ACACB: variants seen among roughly 807,000 people sequenced by gnomAD.
ACACB encodes the protein acetyl-CoA carboxylase 2.
A neutral mutation model predicts 278.8 loss-of-function variants in ACACB; 209 were observed. The ratio of observed to expected loss-of-function variants is 0.75; its 90% CI spans 0.67 to 0.84. The LOEUF (loss-of-function observed/expected upper bound fraction) is 0.84. ACACB is among the 40% of genes least tolerant of loss of function. The pLI is 0.00. For synonymous variants in ACACB, 1,174 were observed against 1,285.6 expected (o/e 0.91, Z 1.86); for missense variants, 2,850 against 3,269.0 (o/e 0.87, Z 3.13).
chr12:109,184,414 C>G (rs576847846), intron 11 of ACACB, among the ~76,000 whole-genome samples: 1 of 152,154 alleles, frequency 6.6e-6, no homozygotes, highest in African/African-American at 2.4e-5. Flanking sequence ...CCTCTGAATA[C>G]TTCATTCTAA....
chr12:109,257,462 C>A (rs544690706), intron 45 of ACACB, among the ~76,000 whole-genome samples: 1 of 152,266 alleles, frequency 6.6e-6, no homozygotes, highest in African/African-American at 2.4e-5. Flanking sequence ...CATGGCATCC[C>A]CTGAGCTGAG....
intron 21 of ACACB, among the ~76,000 whole-genome samples, chr12:109,212,566 G>C (rs1426949586): frequency 2.0e-5 from 3 of 152,112 alleles, no homozygotes; most frequent in Admixed American, 2.0e-4. Flanking sequence ...ACGGTTCACA[G>C]CAGGGTTTGC....
At chr12:109,169,142 CAAAAAAA>C (rs34104231) in intron 4 of ACACB, among the ~76,000 whole-genome samples, 1 of 105,836 alleles carries the variant, frequency 9.4e-6, no homozygotes, top group African/African-American at 3.5e-5. Flanking sequence ...GAGACTGTCT[CAAAAAAA>C]AAAAAAAAAA....
intron 28 of ACACB, among the ~76,000 whole-genome samples, chr12:109,229,878 TC>T (rs1167329711): frequency 2.6e-5 from 4 of 152,336 alleles, no homozygotes; most frequent in African/African-American, 9.6e-5. Context: ...AGTCTTTTTT[TC>T]AGTCCATCTT....
In ACACB at chr12:109,139,391, T is replaced by C. The variant is rs769916566; in HGVS notation, c.-9-6T>C. On this transcript the variant is annotated splice_polypyrimidine_tract_variant and splice_region_variant and intron_variant, in intron 1 of 52. Transcript: ENST00000338432. The stretch of plus-strand genomic sequence containing the variant: ...TCCTAAAATGTCTCTCCTTTTCTCC[T>C]TACAGATTTTCTGAATGGTCTTGCT... 1 of 1,603,344 alleles carries C rather than the reference T, an allele frequency of 6.2e-7. No homozygotes were observed. The highest frequency in any genetic ancestry group is 1.7e-5 in the Admixed American group (1 of 58,180).
At position 109,254,345 on chromosome 12, in the gene ACACB, A is replaced by C. The variant is rs1462305373; in HGVS notation, c.6166+11A>C. ...GAAGGCCTCACCCAAGTAAGTTCTA[A>C]AGTATTTTGCCTAGGACCTGGTCTC... On this transcript the variant is annotated intron_variant, in intron 44 of 52. Transcript: ENST00000338432. 6.2e-7 allele frequency: 1 copy of C among 1,602,110 alleles called. No individual in the cohort carries two copies. Among genetic ancestry groups the C allele is most frequent in the Non-Finnish European group, 8.5e-7 (1 of 1,178,378 alleles).
chr12:109,180,011 T>C lies in ACACB; in HGVS notation c.1742T>C (p.Leu581Pro). Residue 581 changes from leucine to proline, a missense_variant, in exon 11 of 53, where the codon CTG becomes CCG. Leu to Pro is a moderately conservative substitution (Grantham distance 98, BLOSUM62 -3). This residue lies in a region of ACACB where 2,265 missense variants were observed against 2,561.3 expected (regional missense o/e 0.88). Coordinates refer to ENST00000338432, the MANE Select transcript of ACACB (RefSeq NM_001093.4). ...GATGGCAGCTTCCACTTCTTGGAGC[T>C]GAATCCTCGCTTGCAGGTGGAACAT... ...SQDGSFHFLELNPRLQVEHPC... is the reference protein window; with the variant it reads ...SQDGSFHFLEPNPRLQVEHPC... 1.9e-6 allele frequency: 3 copies of C among 1,613,820 alleles called. No homozygotes were observed. The highest frequency in any genetic ancestry group is 2.5e-6 in the Non-Finnish European group (3 of 1,180,036).
chr12:109,112,968 G>T (rs2042338321), upstream of ACACB: 1 of 152,142 alleles, frequency 6.6e-6, no homozygotes, highest in African/African-American at 2.4e-5. Flanking sequence ...TACAGGAACG[G>T]GCGAGGCTGT....
intron 16 of ACACB, among the ~76,000 whole-genome samples, chr12:109,195,151 C>T (rs748476740): frequency 3.3e-5 from 5 of 152,068 alleles, no homozygotes; most frequent in African/African-American, 1.2e-4. Context: ...TGGGGTGAGC[C>T]GGCTGTGGCA....
Position 109,258,300 on chromosome 12 carries a change from T to G in ACACB, c.6296T>G (p.Val2099Gly). The G allele has an allele frequency of 6.2e-7, 1 of 1,612,736 alleles. No individual in the cohort carries two copies. The highest frequency in any genetic ancestry group is 8.5e-7 in the Non-Finnish European group (1 of 1,179,872). Reference sequence around the variant, plus strand: ...GGGATTCCCGTGGGAGTGATTGCTGTGGAGACACGGACTGTGGAGGTGGCA... The same window carrying G: ...GGGATTCCCGTGGGAGTGATTGCTGGGGAGACACGGACTGTGGAGGTGGCA... ...LGGIPVGVIA[V>G]ETRTVEVAVP... The change falls in exon 46 of 53, where the codon GTG becomes GGG. Residue 2099 changes from valine to glycine, a missense_variant. By Grantham distance (109) the Val-to-Gly change is moderately radical. Transcript: ENST00000338432.
intron 6 of ACACB, among the ~76,000 whole-genome samples, chr12:109,173,658 C>G (rs1288894907): frequency 6.6e-6 from 1 of 152,188 alleles, no homozygotes; most frequent in Non-Finnish European, 1.5e-5. Context: ...AAAACATGGT[C>G]GTGCTTATTC....
At chr12:109,206,880 C>T (rs780708247) in intron 20 of ACACB, 24 bp downstream of exon 20, 19 of 1,613,786 alleles carry the variant, frequency 1.2e-5, no homozygotes, top group Middle Eastern at 1.6e-4. Context: ...TGAGCGCAGG[C>T]GTGTAGACCA....
chr12:109,219,684 C>T (rs1322726072), intron 24 of ACACB, among the ~76,000 whole-genome samples: 2 of 152,102 alleles, frequency 1.3e-5, no homozygotes, highest in African/African-American at 2.4e-5. Context: ...TGTATGCGCA[C>T]GTACGTTCTT....
At chr12:109,117,059 T>TTC (rs960884417) in intron 1 of ACACB, among the ~76,000 whole-genome samples, 3 of 149,192 alleles carry the variant, frequency 2.0e-5, no homozygotes, top group African/African-American at 7.4e-5. Flanking sequence ...TTTTTTTTTT[T>TTC]TTTTTTTTTT....
In ACACB at chr12:109,197,177, T is replaced by C. The variant is rs765455273; in HGVS notation, c.2627+24T>C. On this transcript the variant is annotated intron_variant, in intron 17 of 52. Transcript: ENST00000338432. The stretch of plus-strand genomic sequence containing the variant: ...AGGTGCGTGGGGGTGCGAGTCCCAC[T>C]GTGGGCTGGGCATGCACAGCTCTCT... 3 of 1,594,070 alleles carry C rather than the reference T, an allele frequency of 1.9e-6. No individual in the cohort carries two copies. In the Admixed American group the frequency reaches 5.3e-5, roughly 28 times the overall value.
intron 11 of ACACB, among the ~76,000 whole-genome samples, chr12:109,182,565 T>C (rs559951045): frequency 1.3e-5 from 2 of 152,274 alleles, no homozygotes; most frequent in South Asian, 4.2e-4. Context: ...AGATAAGGTC[T>C]CACTATGTTG....
At chr12:109,152,524 A>G (rs1354232567) in intron 2 of ACACB, among the ~76,000 whole-genome samples, 5 of 151,840 alleles carry the variant, frequency 3.3e-5, no homozygotes, top group Middle Eastern at 6.9e-3. Context: ...GGGCATAGCT[A>G]TCCACTGCTG....
intron 21 of ACACB, among the ~76,000 whole-genome samples, chr12:109,210,177 A>G (rs1310863671): frequency 4.9e-5 from 3 of 61,608 alleles, no homozygotes; most frequent in Non-Finnish European, 9.4e-5. Flanking sequence ...GTATATATGT[A>G]TATATACACA....
chr12:109,207,113 G>A (rs564769156), intron 20 of ACACB, among the ~76,000 whole-genome samples: 3 of 152,010 alleles, frequency 2.0e-5, no homozygotes. Flanking sequence ...ACCCCACCAC[G>A]CCCGGCTAAT....
Sources: allele counts gnomAD v4.1 joint callset (sites outside exome capture counted in the v4.1 genomes callset), GRCh38; gene constraint gnomAD v4.1.1; regional missense constraint gnomAD v4.1.1; transcripts MANE v1.5; gene names NCBI Gene and HGNC (gene_info 2026-07-23, HGNC 2026-07-21).